The following PCDHA2 variants were observed in gnomAD, a reference collection of about 807,000 sequenced individuals.
The protein encoded by PCDHA2 is protocadherin alpha-2.
In PCDHA2, 58 loss-of-function variants were observed where a neutral mutation model predicts 66.0. The ratio of observed to expected loss-of-function variants is 0.88; its 90% CI spans 0.71 to 1.09. The LOEUF is 1.09. Among genes scored for constraint, PCDHA2 ranks in the 50% least tolerant of loss-of-function variants. The pLI is 0.00. For synonymous variants in PCDHA2, 634 were observed against 554.0 expected, an observed-to-expected ratio of 1.14 and a Z score of -2.03; for missense variants, 1,267 against 1,242.3, an observed-to-expected ratio of 1.02 and a Z score of -0.30.
intron 1 of PCDHA2, among the ~76,000 whole-genome samples, chr5:140,950,542 A>G (rs1332265340): frequency 1.3e-5 from 2 of 152,014 alleles, no homozygotes; most frequent in Non-Finnish European, 2.9e-5. Flanking sequence ...TTGCTCTTGC[A>G]TGGCTGGGGG....
At chr5:140,822,611 T>A in intron 1 of PCDHA2, 1 of 1,611,604 alleles carries the variant, frequency 6.2e-7, no homozygotes, top group South Asian at 1.1e-5. Flanking sequence ...ATAGTGTATT[T>A]CTTTAGTAAT....
chr5:140,883,511 C>T (rs782295526), intron 1 of PCDHA2: 22 of 1,614,068 alleles, frequency 1.4e-5, no homozygotes, highest in Non-Finnish European at 1.8e-5. Flanking sequence ...CGCCCTGGAC[C>T]GCGAGAGCGT....
rs17844334 is a variant in PCDHA2 at position 140,850,512 on chromosome 5, G to C, written c.2388+53160G>C. On this transcript the variant is annotated intron_variant, in intron 1 of 3. Transcript: ENST00000526136. ...TGTGCTGGTGTCGCTGGTGGAGAGCGGCCAGGCGCCAAAGTCATCGTCGCG... is the reference window on the plus strand; with the variant it reads ...TGTGCTGGTGTCGCTGGTGGAGAGCCGCCAGGCGCCAAAGTCATCGTCGCG... The C allele has an allele frequency of 2.1e-4, 342 of 1,598,262 alleles. 9 individuals carry two copies. The East Asian group carries it at 6.3e-3, about 30-fold the overall frequency.
At chr5:140,803,535 C>G (rs1554122870) in intron 1 of PCDHA2, 4 of 1,614,194 alleles carry the variant, frequency 2.5e-6, no homozygotes, top group South Asian at 1.1e-5. Flanking sequence ...TCCTCCTTGT[C>G]CAATTAGCCG....
intron 1 of PCDHA2, among the ~76,000 whole-genome samples, chr5:140,833,369 A>T (rs2150207984): frequency 2.0e-5 from 3 of 152,192 alleles, no homozygotes; most frequent in Admixed American, 1.3e-4. Context: ...AGTAAGGTAG[A>T]TCCAAAAAGG....
At chr5:140,859,972 C>A (rs949834053) in intron 1 of PCDHA2, 1 of 151,842 alleles carries the variant, frequency 6.6e-6, no homozygotes, top group South Asian at 2.1e-4. Flanking sequence ...CTCAGGTATA[C>A]AAGTGCATTA....
Position 140,910,416 on chromosome 5 carries a change from A to G in PCDHA2, c.2389-68533A>G, listed in dbSNP as rs191093101. Among the ~76,000 whole-genome samples, 67 of 152,280 alleles carry G rather than the reference A, an allele frequency of 4.4e-4. No individual in the cohort carries two copies. In the East Asian group the frequency reaches 0.013, roughly 28 times the overall value. ...CTGGCCCCTGCCACCTCGAGATCCAATTATTCCCATTGCATTTAAGTTTTG... is the reference window on the plus strand; with the variant it reads ...CTGGCCCCTGCCACCTCGAGATCCAGTTATTCCCATTGCATTTAAGTTTTG... On this transcript the variant is annotated intron_variant, in intron 1 of 3. Coordinates refer to ENST00000526136, the MANE Select transcript of PCDHA2 (RefSeq NM_018905.3).
chr5:140,817,900 A>T (rs1254182775), intron 1 of PCDHA2, among the ~76,000 whole-genome samples: 2 of 152,198 alleles, frequency 1.3e-5, no homozygotes, highest in Non-Finnish European at 2.9e-5. Context: ...CACTTTTAAG[A>T]TGACATTCCA....
intron 3 of PCDHA2, among the ~76,000 whole-genome samples, chr5:141,004,051 A>G (rs2098149842): frequency 6.6e-6 from 1 of 152,240 alleles, no homozygotes; most frequent in East Asian, 1.9e-4. Flanking sequence ...ATTTGCTGAT[A>G]CTGGCCCCTG....
In PCDHA2 at chr5:140,875,617, G is replaced by T; in HGVS notation, c.2388+78265G>T. On this transcript the variant is annotated intron_variant, in intron 1 of 3. Coordinates refer to ENST00000526136, the MANE Select transcript of PCDHA2 (RefSeq NM_018905.3). ...ACACGGCACCTTCGTGGGCCGCATC[G>T]CTCAGGACCTGGGGCTGGAGCTGGC... 1 of 1,613,780 alleles carries T rather than the reference G, an allele frequency of 6.2e-7. No homozygotes were observed. The highest frequency in any genetic ancestry group is 2.2e-5 in the East Asian group (1 of 44,888).
At chr5:140,964,015 A>G (rs1466689123) in intron 1 of PCDHA2, among the ~76,000 whole-genome samples, 1 of 152,178 alleles carries the variant, frequency 6.6e-6, no homozygotes. Context: ...TTTAATAGAG[A>G]GCTCTTGAAG....
intron 1 of PCDHA2, chr5:140,830,967 T>C (rs1771307756): frequency 6.6e-6 from 1 of 152,346 alleles, no homozygotes; most frequent in Non-Finnish European, 1.5e-5. Flanking sequence ...TTTTATCCAT[T>C]TTGTGTAAGA....
At chr5:140,982,409 G>A (rs1554244106) in intron 2 of PCDHA2, 66 bp from the exon 3 acceptor site, 20 of 1,608,038 alleles carry the variant, frequency 1.2e-5, no homozygotes, top group Non-Finnish European at 1.6e-5. Flanking sequence ...CAATTTCTGA[G>A]GGTGGAAGAA....
intron 1 of PCDHA2, among the ~76,000 whole-genome samples, chr5:140,950,490 C>A (rs2153689793): frequency 6.6e-6 from 1 of 152,114 alleles, no homozygotes; most frequent in South Asian, 2.1e-4. Context: ...AGTGTGTAGT[C>A]ATTTAAGTCA....
chr5:140,984,428 G>A (rs2097103075), intron 3 of PCDHA2, among the ~76,000 whole-genome samples: 1 of 152,100 alleles, frequency 6.6e-6, no homozygotes, highest in African/African-American at 2.4e-5. Context: ...ATAGAGAAGG[G>A]GATCTCCCTT....
At chr5:140,926,611 A>G in intron 1 of PCDHA2, 1 of 348,974 alleles carries the variant, frequency 2.9e-6, no homozygotes, top group Non-Finnish European at 5.1e-6. Context: ...TCGTCTCTGC[A>G]CCCCTAGGCG....
chr5:140,966,848 C>G, intron 1 of PCDHA2: 1 of 1,571,846 alleles, frequency 6.4e-7, no homozygotes, highest in Non-Finnish European at 8.6e-7. Context: ...GCTACTGCCT[C>G]TCCTGCTGCT....
intron 1 of PCDHA2, chr5:140,857,097 T>C (rs782084085): frequency 6.3e-7 from 1 of 1,597,284 alleles, no homozygotes; most frequent in Non-Finnish European, 8.6e-7. Context: ...CCTGAGGTGA[T>C]TGTCACTTCT....
At chr5:140,823,262 G>A in intron 1 of PCDHA2, 4 of 1,612,940 alleles carry the variant, frequency 2.5e-6, no homozygotes, top group Non-Finnish European at 3.4e-6. Context: ...CTGGTGGAGC[G>A]GCGGGTGGGC....
Sources: allele counts gnomAD v4.1 joint callset (sites outside exome capture counted in the v4.1 genomes callset), GRCh38; gene constraint gnomAD v4.1.1; transcripts MANE v1.5; gene names NCBI Gene and HGNC (gene_info 2026-07-23, HGNC 2026-07-21).